Variants in LRRK1 observed in about 807,000 individuals in gnomAD.
LRRK1 encodes the protein leucine rich repeat kinase 1.
LRRK1 carries 113 observed loss-of-function variants against 209.1 expected under a neutral mutation model. The observed-to-expected ratio is 0.54, with a 90% CI of 0.46 to 0.63. The LOEUF (loss-of-function observed/expected upper bound fraction) is 0.63. Ranked by LOEUF, LRRK1 falls within the 30% of genes least tolerant of loss-of-function variation. The probability of loss-of-function intolerance (pLI) is 0.00; values close to 1 mark genes in which losing one functional copy is unlikely to be tolerated. For missense variants in LRRK1, 2,284 were observed against 2,632.2 expected (o/e 0.87, Z 2.89); for synonymous variants, 1,144 against 1,099.7 (o/e 1.04, Z -0.80).
At chr15:100,991,393 A>AT (rs1234499546) in intron 6 of LRRK1, among the ~76,000 whole-genome samples, 3 of 151,360 alleles carry the variant, frequency 2.0e-5, no homozygotes, top group East Asian at 1.9e-4. Context: ...CTTTAATGAG[A>AT]TTTTTTTCTT....
At chr15:100,962,515 G>T (rs1415267246) in intron 2 of LRRK1, among the ~76,000 whole-genome samples, 2 of 151,962 alleles carry the variant, frequency 1.3e-5, no homozygotes, top group Admixed American at 1.3e-4. Context: ...GGGTGACAGA[G>T]TGAGACCTTG....
At position 100,929,159 on chromosome 15, in the gene LRRK1, G is replaced by A. The variant is rs556738769; in HGVS notation, c.97+4430G>A. On this transcript the variant is annotated intron_variant, in intron 2 of 33. Coordinates refer to ENST00000388948, the MANE Select transcript of LRRK1 (RefSeq NM_024652.6). ...CCGCCAGCCAAGGAGAGCTGTCCTG[G>A]AAAGTAGAGAAGTCAGGAAACTTCC... Among the ~76,000 whole-genome samples the A allele has an allele frequency of 1.1e-4, 16 of 152,328 alleles. No homozygotes were observed. The South Asian group carries it at 3.1e-3, about 30-fold the overall frequency.
At position 101,065,405 on chromosome 15, in the gene LRRK1, C is replaced by T. The variant is rs778621315; in HGVS notation, c.4968C>T (p.Pro1656=). 1.4e-5 allele frequency: 22 copies of T among 1,613,992 alleles called. No homozygotes were observed. The highest frequency in any genetic ancestry group is 1.3e-4 in the Admixed American group (8 of 60,018). The change falls in exon 32 of 34, where the codon CCC becomes CCT. Residue 1656 remains proline, a synonymous_variant. Coordinates refer to ENST00000388948, the MANE Select transcript of LRRK1 (RefSeq NM_024652.6). ...CCGATGGGCTTGTGGCTGTGTTTCC[C>T]GTGGTGCGGGGCACCCCAAAGGACA... is the stretch of plus-strand genomic sequence containing the variant. ...GLADGLVAVF[P]VVRGTPKDSC...
intron 10 of LRRK1, among the ~76,000 whole-genome samples, chr15:101,012,460 C>G (rs1032032712): frequency 2.0e-5 from 3 of 152,200 alleles, no homozygotes; most frequent in Non-Finnish European, 1.5e-5. Flanking sequence ...TTCCACGGAA[C>G]CCTGTGTGCC....
At position 101,055,076 on chromosome 15, in the gene LRRK1, G is replaced by C. The variant is rs2035716597; in HGVS notation, c.4185G>C (p.Trp1395Cys). The C allele has an allele frequency of 6.2e-7, 1 of 1,614,072 alleles. No homozygotes were observed. Among genetic ancestry groups the C allele is most frequent in the Non-Finnish European group, 8.5e-7 (1 of 1,180,024 alleles). Residue 1395 changes from tryptophan to cysteine, a missense_variant, in exon 27 of 34, where the codon TGG becomes TGC. Physicochemically the swap from Trp to Cys is radical, Grantham distance 215. Around this residue, in one of 6 missense-constraint regions of LRRK1, gnomAD observed 780 missense variants for 985.2 expected, o/e 0.79. Transcript: ENST00000388948. ...TGAAGTCGGACAACATTCTGGTGTG[G>C]TCCCTTGACGTCAAGGAGCACATCA... is the stretch of plus-strand genomic sequence containing the variant. ...CDLKSDNILV[W>C]SLDVKEHINI...
At chr15:101,060,990 C>T (rs768736671) in intron 29 of LRRK1, among the ~76,000 whole-genome samples, 181 bp from the exon 30 acceptor site, 1 of 152,238 alleles carries the variant, frequency 6.6e-6, no homozygotes, top group Non-Finnish European at 1.5e-5. Flanking sequence ...GCCCTTCCTG[C>T]GGGCGACGGT....
At chr15:100,994,887 G>A (rs1312295423) in intron 6 of LRRK1, among the ~76,000 whole-genome samples, 4 of 152,200 alleles carry the variant, frequency 2.6e-5, no homozygotes, top group African/African-American at 7.2e-5. Flanking sequence ...CAGGAAGGAT[G>A]ACTCAGGAGC....
In LRRK1 at chr15:101,032,297, T is replaced by A. The variant is rs964653696; in HGVS notation, c.2963+3065T>A. 6.6e-5 allele frequency among the ~76,000 whole-genome samples: 10 copies of A among 152,296 alleles called. No individual in the cohort carries two copies. The East Asian group carries it at 1.9e-3, about 29-fold the overall frequency. On this transcript the variant is annotated intron_variant, in intron 20 of 33. Coordinates refer to ENST00000388948, the MANE Select transcript of LRRK1 (RefSeq NM_024652.6). Reference sequence around the variant, plus strand: ...TTCTGGATACAAGTTCTTTTTTTTTTATTCTTTAAGTTCTAGGGTACATGT... The same window carrying A: ...TTCTGGATACAAGTTCTTTTTTTTTAATTCTTTAAGTTCTAGGGTACATGT...
chr15:101,003,121 A>C (rs967988010), intron 6 of LRRK1, among the ~76,000 whole-genome samples: 2 of 152,254 alleles, frequency 1.3e-5, no homozygotes, highest in African/African-American at 4.8e-5. Context: ...GTGCTTGAAC[A>C]AGAAAATAAC....
At chr15:101,014,701 T>C (rs904178828) in intron 11 of LRRK1, among the ~76,000 whole-genome samples, 30 of 152,174 alleles carry the variant, frequency 2.0e-4, no homozygotes, top group Admixed American at 1.4e-3. Context: ...TCTGTTCACG[T>C]CTGTGACCTA....
chr15:100,920,565 G>A (rs555467840), intron 1 of LRRK1, among the ~76,000 whole-genome samples: 9 of 152,228 alleles, frequency 5.9e-5, no homozygotes, highest in African/African-American at 1.9e-4. Flanking sequence ...TGACCTCGCA[G>A]TCAACTCGGA....
At chr15:101,067,438 TG>T (rs2036597818) in intron 33 of LRRK1, 2 of 325,318 alleles carry the variant, frequency 6.1e-6, no homozygotes, top group Non-Finnish European at 1.3e-5. Context: ...TGTGTGTGTG[TG>T]TGTGTGTGTG....
At chr15:101,045,862 C>G (rs1450840681) in intron 20 of LRRK1, 119 bp from the exon 21 acceptor site, 2 of 798,104 alleles carry the variant, frequency 2.5e-6, no homozygotes, top group Non-Finnish European at 4.1e-6. Flanking sequence ...GAGGAAGGAA[C>G]CCAGCAGCCT....
chr15:100,920,200 C>G (rs2041996830), intron 1 of LRRK1: 1 of 152,566 alleles, frequency 6.6e-6, no homozygotes, highest in Non-Finnish European at 1.5e-5. Context: ...TCAACCTACC[C>G]CTTCACAGTA....
intron 24 of LRRK1, 83 bp from the exon 25 acceptor site, chr15:101,052,839 G>C: frequency 6.8e-7 from 1 of 1,476,350 alleles, no homozygotes; most frequent in Non-Finnish European, 9.1e-7. Flanking sequence ...CATGACTCTC[G>C]GCCGTTGGGG....
At chr15:101,053,716 C>A (rs2035621115) in intron 26 of LRRK1, among the ~76,000 whole-genome samples, 1 of 152,240 alleles carries the variant, frequency 6.6e-6, no homozygotes, top group African/African-American at 2.4e-5. Flanking sequence ...TGGTAACAGG[C>A]CTCGCTGGGA....
chr15:100,948,645 A>T (rs2042588343), intron 2 of LRRK1, among the ~76,000 whole-genome samples: 1 of 152,234 alleles, frequency 6.6e-6, no homozygotes, highest in Non-Finnish European at 1.5e-5. Context: ...GCCTCCATAA[A>T]TGTAAAAGAA....
At chr15:101,057,714 GATGA>G (rs1445615951) in intron 28 of LRRK1, among the ~76,000 whole-genome samples, 1 of 152,200 alleles carries the variant, frequency 6.6e-6, no homozygotes, top group Non-Finnish European at 1.5e-5. Context: ...AATATAGTGA[GATGA>G]AGAGTGTATG....
rs750140074 is a variant in LRRK1, at chr15:101,008,911, G to C, written c.837G>C (p.Gln279His). 1.2e-6 allele frequency: 2 copies of C among 1,614,188 alleles called. No individual in the cohort carries two copies. The highest frequency in any genetic ancestry group is 3.3e-5 in the Admixed American group (2 of 60,026). Reference sequence around the variant, plus strand: ...ACTGGCTCATAGACATCTCCTGCCAGATCACGGAGCTCGACCTTTCTGCCA... The same window carrying C: ...ACTGGCTCATAGACATCTCCTGCCACATCACGGAGCTCGACCTTTCTGCCA... Reference protein sequence around the residue: ...DLDWLIDISCQITELDLSANC... With the variant: ...DLDWLIDISCHITELDLSANC... Residue 279 changes from glutamine to histidine, a missense_variant, in exon 7 of 34, where the codon CAG becomes CAC. This residue lies in a region of LRRK1 where 494 missense variants were observed against 522.1 expected (regional missense o/e 0.95). Coordinates refer to ENST00000388948, the MANE Select transcript of LRRK1 (RefSeq NM_024652.6).
Sources: gnomAD v4.1 joint callset for allele counts (sites outside exome capture counted in the v4.1 genomes callset) on GRCh38, gnomAD v4.1.1 for gene constraint, gnomAD v4.1.1 regional missense constraint, MANE v1.5 for transcripts, NCBI Gene and HGNC (gene_info 2026-07-23, HGNC 2026-07-21) for gene names.